Variants in COL25A1 observed in about 807,000 individuals in gnomAD.
COL25A1 encodes collagen type XXV alpha 1 chain, also known as collagen alpha-1(XXV) chain.
In COL25A1, 103 loss-of-function variants were observed where a neutral mutation model predicts 128.4. That is an observed-to-expected ratio of 0.80 (90% CI 0.68 to 0.94). The LOEUF (loss-of-function observed/expected upper bound fraction) is 0.94. Ranked by LOEUF, COL25A1 falls within the 40% of genes least tolerant of loss-of-function variation. The probability of loss-of-function intolerance (pLI) is 0.00; values close to 1 mark genes in which losing one functional copy is unlikely to be tolerated. For synonymous variants in COL25A1, 279 were observed against 277.2 expected, an observed-to-expected ratio of 1.01 and a Z score of -0.06; for missense variants, 745 against 840.0, an observed-to-expected ratio of 0.89 and a Z score of 1.40.
chr4:109,022,104 C>T, intron 5 of COL25A1: 1 of 451,800 alleles, frequency 2.2e-6, no homozygotes, highest in East Asian at 7.0e-5. Context: ...CGTACACCCC[C>T]TCCCCTTTTG....
chr4:108,866,198 C>CTTTT (rs35781275), intron 20 of COL25A1, among the ~76,000 whole-genome samples: 2 of 128,616 alleles, frequency 1.6e-5, no homozygotes, highest in Non-Finnish European at 1.6e-5. Context: ...TCTTTTCTTT[C>CTTTT]TTTTTTTTTT....
At chr4:108,991,953 C>T (rs770167090) in intron 6 of COL25A1, among the ~76,000 whole-genome samples, 20 of 152,018 alleles carry the variant, frequency 1.3e-4, no homozygotes, top group Non-Finnish European at 2.9e-5. Context: ...TAGTAAAATA[C>T]TGTGAAATGA....
At chr4:109,010,624 A>G (rs1756484604) in intron 5 of COL25A1, among the ~76,000 whole-genome samples, 1 of 152,216 alleles carries the variant, frequency 6.6e-6, no homozygotes, top group East Asian at 1.9e-4. Context: ...GGGTTTTAGC[A>G]TGCTCTAAAA....
chr4:108,900,745 A>G (rs1742737552), intron 14 of COL25A1, among the ~76,000 whole-genome samples: 1 of 152,106 alleles, frequency 6.6e-6, no homozygotes, highest in African/African-American at 2.4e-5. Flanking sequence ...AGTGAATGTC[A>G]TCTTTAGTAA....
chr4:109,234,202 A>G (rs1779330326), intron 3 of COL25A1, among the ~76,000 whole-genome samples: 1 of 152,294 alleles, frequency 6.6e-6, no homozygotes, highest in East Asian at 1.9e-4. Context: ...TTGCATAAAT[A>G]AAGGCCAAGC....
chr4:109,285,122 A>C (rs1428141550), intron 3 of COL25A1, among the ~76,000 whole-genome samples: 1 of 152,166 alleles, frequency 6.6e-6, no homozygotes, highest in East Asian at 1.9e-4. Context: ...GAAATAGATG[A>C]GCTTGAACCT....
chr4:109,228,745 G>T (rs1778971410), intron 3 of COL25A1, among the ~76,000 whole-genome samples: 1 of 152,122 alleles, frequency 6.6e-6, no homozygotes, highest in Non-Finnish European at 1.5e-5. Context: ...GGACTCTCCA[G>T]ATCCCTTTCT....
chr4:109,151,549 A>G (rs545640395), intron 3 of COL25A1, among the ~76,000 whole-genome samples: 32 of 152,166 alleles, frequency 2.1e-4, no homozygotes, highest in Non-Finnish European at 3.7e-4. Flanking sequence ...CTGAAAAACA[A>G]AATTTAAAGT....
At chr4:108,966,112 G>A (rs1751265856) in intron 8 of COL25A1, among the ~76,000 whole-genome samples, 1 of 152,094 alleles carries the variant, frequency 6.6e-6, no homozygotes, top group African/African-American at 2.4e-5. Flanking sequence ...CTTGGAGGGG[G>A]GCCAACATTG....
intron 3 of COL25A1, among the ~76,000 whole-genome samples, chr4:109,054,440 T>C (rs1331275838): frequency 6.6e-6 from 1 of 152,186 alleles, no homozygotes; most frequent in Non-Finnish European, 1.5e-5. Context: ...TAAACAAGTG[T>C]TTCCTTCATT....
chr4:109,144,893 C>T (rs1384900265), intron 3 of COL25A1, among the ~76,000 whole-genome samples: 1 of 152,156 alleles, frequency 6.6e-6, no homozygotes, highest in Non-Finnish European at 1.5e-5. Flanking sequence ...ATTTCAACTG[C>T]ACAATTGTTT....
Position 109,004,753 on chromosome 4 carries a change from T to G in COL25A1, c.438+5605A>C, listed in dbSNP as rs1031917976. 7.2e-5 allele frequency among the ~76,000 whole-genome samples: 11 copies of G among 152,156 alleles called. 2 individuals carry two copies. The highest frequency in any genetic ancestry group is 5.2e-4 in the Admixed American group (8 of 15,266). On this transcript the variant is annotated intron_variant, in intron 6 of 37. Coordinates refer to ENST00000399132, the MANE Select transcript of COL25A1 (RefSeq NM_198721.4). ...ACTATGATTGTAAGCTTCCTAAGAC[T>G]TCCCTAGAAGCTGAGCAGATGCCAG...
chr4:109,265,520 T>C (rs1452914505), intron 3 of COL25A1, among the ~76,000 whole-genome samples: 4 of 47,572 alleles, frequency 8.4e-5, no homozygotes, highest in Non-Finnish European at 1.4e-4. Context: ...TAACAGTACG[T>C]GTGTGTGTGT....
At chr4:109,085,354 C>T (rs1272158472) in intron 3 of COL25A1, among the ~76,000 whole-genome samples, 2 of 152,210 alleles carry the variant, frequency 1.3e-5, no homozygotes, top group African/African-American at 2.4e-5. Context: ...TTCCTTGTCT[C>T]TCAGGTTCTG....
chr4:109,142,084 A>G (rs1002102903), intron 3 of COL25A1, among the ~76,000 whole-genome samples: 4 of 152,128 alleles, frequency 2.6e-5, no homozygotes, highest in Non-Finnish European at 5.9e-5. Flanking sequence ...GTTTCCCTCT[A>G]AACACTGCTT....
At chr4:109,210,936 C>T (rs912661085) in intron 3 of COL25A1, among the ~76,000 whole-genome samples, 3 of 151,946 alleles carry the variant, frequency 2.0e-5, no homozygotes, top group Non-Finnish European at 4.4e-5. Flanking sequence ...AACCAAATAC[C>T]GCATGTTCTC....
chr4:109,208,597 A>G (rs1158250650), intron 3 of COL25A1, among the ~76,000 whole-genome samples: 1 of 151,300 alleles, frequency 6.6e-6, no homozygotes, highest in Non-Finnish European at 1.5e-5. Flanking sequence ...AACTTTTAAT[A>G]TACTGTTTTA....
rs977678869 is a variant in COL25A1, at chr4:109,289,000, CACACAT to C, written c.367+11577_367+11582del. Among the ~76,000 whole-genome samples the C allele has an allele frequency of 8.1e-3, 1,161 of 143,170 alleles. 17 individuals are homozygous for C. Among genetic ancestry groups the C allele is most frequent in the African/African-American group, 0.03 (1,081 of 36,504 alleles). The allele number at this position is 143,170 out of a possible 152,430, so 93.9% of individuals were successfully genotyped here. On this transcript the variant is annotated intron_variant, in intron 3 of 37. Coordinates refer to ENST00000399132, the MANE Select transcript of COL25A1 (RefSeq NM_198721.4). ...ACACACACACACACACACACACACA[CACACAT>C]ATATATACAAAATTTTTTGCTTACC...
At chr4:109,170,936 T>G (rs986128576) in intron 3 of COL25A1, among the ~76,000 whole-genome samples, 5 of 152,166 alleles carry the variant, frequency 3.3e-5, no homozygotes, top group African/African-American at 1.2e-4. Flanking sequence ...CCAGTTCCTC[T>G]ATCAACTGCA....
Sources: allele counts gnomAD v4.1 joint callset (sites outside exome capture counted in the v4.1 genomes callset), GRCh38; gene constraint gnomAD v4.1.1; transcripts MANE v1.5; gene names NCBI Gene and HGNC (gene_info 2026-07-23, HGNC 2026-07-21).